Variants in PRKG1 observed in about 807,000 individuals in gnomAD.
The protein encoded by PRKG1 is protein kinase cGMP-dependent 1.
PRKG1 carries 35 observed loss-of-function variants against 88.1 expected under a neutral mutation model. The ratio of observed to expected loss-of-function variants is 0.40; its 90% confidence interval spans 0.30 to 0.53. The LOEUF (loss-of-function observed/expected upper bound fraction) is 0.53. PRKG1 is among the 20% of genes least tolerant of loss of function. The pLI, the probability that PRKG1 is intolerant of heterozygous loss-of-function variation, is 0.59. For missense variants in PRKG1, 540 were observed against 839.8 expected, an observed-to-expected ratio of 0.64 and a Z score of 4.41; for synonymous variants, 303 against 292.5, an observed-to-expected ratio of 1.04 and a Z score of -0.37.
intron 1 of PRKG1, among the ~76,000 whole-genome samples, chr10:50,997,508 A>T (rs1803030221): frequency 6.6e-6 from 1 of 152,144 alleles, no homozygotes; most frequent in Non-Finnish European, 1.5e-5. Context: ...CTCTCACCAT[A>T]ACATGTAAGA....
At chr10:51,014,674 C>A (rs1449906301) in intron 1 of PRKG1, among the ~76,000 whole-genome samples, 3 of 152,120 alleles carry the variant, frequency 2.0e-5, no homozygotes, top group African/African-American at 7.2e-5. Flanking sequence ...GATCATTATA[C>A]ACATATATAT....
chr10:51,660,481 G>A (rs1564594668), intron 3 of PRKG1, among the ~76,000 whole-genome samples: 1 of 151,466 alleles, frequency 6.6e-6, no homozygotes, highest in Non-Finnish European at 1.5e-5. Flanking sequence ...AAGGTATCAC[G>A]GTATATTAAG....
chr10:51,484,640 C>T (rs1840476665), intron 3 of PRKG1, among the ~76,000 whole-genome samples: 1 of 152,084 alleles, frequency 6.6e-6, no homozygotes. Flanking sequence ...TTTTATTGAG[C>T]ACCTACTATC....
intron 2 of PRKG1, chr10:51,320,031 T>C: frequency 5.1e-6 from 1 of 196,652 alleles, no homozygotes. Context: ...TTGGAAGTGC[T>C]CAACTTCCTT....
intron 2 of PRKG1, among the ~76,000 whole-genome samples, chr10:51,164,122 G>A (rs185830313): frequency 7.2e-5 from 11 of 152,146 alleles, no homozygotes; most frequent in Non-Finnish European, 1.0e-4. Flanking sequence ...CCTGACCCCC[G>A]AGCAGCCTAA....
At chr10:51,506,979 G>T (rs1841229480) in intron 3 of PRKG1, among the ~76,000 whole-genome samples, 3 of 151,976 alleles carry the variant, frequency 2.0e-5, no homozygotes, top group South Asian at 4.2e-4. Context: ...CCATAAAAAA[G>T]GATTAGTTCA....
chr10:51,634,801 G>T (rs566796757), intron 3 of PRKG1, among the ~76,000 whole-genome samples: 1 of 152,058 alleles, frequency 6.6e-6, no homozygotes, highest in South Asian at 2.1e-4. Flanking sequence ...GGATGAAGAT[G>T]GAGGCCATTA....
At chr10:51,601,488 A>G (rs950929011) in intron 3 of PRKG1, among the ~76,000 whole-genome samples, 12 of 152,118 alleles carry the variant, frequency 7.9e-5, no homozygotes, top group South Asian at 6.2e-4. Flanking sequence ...AATGCCTGAC[A>G]TTGTTTTGGT....
chr10:52,192,176 A>C (rs968795145), intron 9 of PRKG1, among the ~76,000 whole-genome samples: 1 of 152,192 alleles, frequency 6.6e-6, no homozygotes, highest in South Asian at 2.1e-4. Context: ...GAGCCTCTTT[A>C]GGTTGGTTCC....
At chr10:51,648,163 C>T (rs1218513241) in intron 3 of PRKG1, among the ~76,000 whole-genome samples, 1 of 151,882 alleles carries the variant, frequency 6.6e-6, no homozygotes, top group African/African-American at 2.4e-5. Flanking sequence ...GGATGCCTCC[C>T]CTGAACAAGG....
At chr10:52,003,072 T>C (rs1356740625) in intron 5 of PRKG1, among the ~76,000 whole-genome samples, 1 of 152,194 alleles carries the variant, frequency 6.6e-6, no homozygotes, top group Non-Finnish European at 1.5e-5. Context: ...CCTTGCATGG[T>C]GTTTAAGCCT....
intron 1 of PRKG1, among the ~76,000 whole-genome samples, chr10:51,015,101 G>A (rs1450881179): frequency 1.3e-5 from 2 of 152,174 alleles, no homozygotes; most frequent in Admixed American, 1.3e-4. Context: ...TCTATGGAAT[G>A]GCCTTCTGGC....
At chr10:51,926,359 C>T (rs1589427299) in intron 5 of PRKG1, among the ~76,000 whole-genome samples, 2 of 152,114 alleles carry the variant, frequency 1.3e-5, no homozygotes, top group South Asian at 4.1e-4. Flanking sequence ...GGATAATAGC[C>T]TCTGTAGATA....
At chr10:52,166,839 G>GTATA (rs375678645) in intron 9 of PRKG1, among the ~76,000 whole-genome samples, 19,699 of 90,068 alleles carry the variant, frequency 0.22, 3,346 homozygotes, top group South Asian at 0.26. Flanking sequence ...GTATATATAT[G>GTATA]TATATATATG....
intron 7 of PRKG1, among the ~76,000 whole-genome samples, chr10:52,114,881 G>A (rs922027035): frequency 2.6e-5 from 4 of 151,318 alleles, no homozygotes; most frequent in East Asian, 1.9e-4. Context: ...TGTGAATGGA[G>A]CATTGTAAAG....
intron 2 of PRKG1, among the ~76,000 whole-genome samples, chr10:51,466,532 A>G (rs1333357628): frequency 6.6e-6 from 1 of 152,036 alleles, no homozygotes; most frequent in African/African-American, 2.4e-5. Flanking sequence ...CTGAAGGGTG[A>G]ATCACGTACC....
intron 8 of PRKG1, among the ~76,000 whole-genome samples, chr10:52,146,156 G>A (rs1837721763): frequency 6.6e-6 from 1 of 152,096 alleles, no homozygotes; most frequent in Non-Finnish European, 1.5e-5. Context: ...TTCCCATGGG[G>A]TTCACTTTAA....
At position 51,388,684 on chromosome 10, in the gene PRKG1, A is replaced by G. The variant is rs373139808; in HGVS notation, c.479-79039A>G. On this transcript the variant is annotated intron_variant, in intron 2 of 17. Transcript: ENST00000373980. The stretch of plus-strand genomic sequence containing the variant: ...CTCTAGATTGTTTTGGTAACTTTAT[A>G]ATTCTATAACATATTTTATAAAAAC... Among the ~76,000 whole-genome samples, 18 of 152,320 alleles carry G rather than the reference A, an allele frequency of 1.2e-4. No individual in the cohort carries two copies. The East Asian group carries it at 2.7e-3, about 23-fold the overall frequency.
intron 7 of PRKG1, among the ~76,000 whole-genome samples, chr10:52,106,962 G>A (rs1158477442): frequency 6.6e-6 from 1 of 152,000 alleles, no homozygotes; most frequent in Non-Finnish European, 1.5e-5. Flanking sequence ...AGCTGATCTT[G>A]TCACATTTAT....
Sources: gnomAD v4.1 joint callset for allele counts (sites outside exome capture counted in the v4.1 genomes callset) on GRCh38, gnomAD v4.1.1 for gene constraint, MANE v1.5 for transcripts, NCBI Gene and HGNC (gene_info 2026-07-23, HGNC 2026-07-21) for gene names.